The following TMTC2 variants were observed in gnomAD, a reference collection of about 807,000 sequenced individuals.
The protein encoded by TMTC2 is transmembrane O-mannosyltransferase targeting cadherins 2, also known as protein O-mannosyl-transferase TMTC2.
A neutral mutation model predicts 82.4 loss-of-function variants in TMTC2; 43 were observed. That is an observed-to-expected ratio of 0.52 (90% CI 0.41 to 0.67). The LOEUF (loss-of-function observed/expected upper bound fraction) is 0.67, where lower values mean the gene tolerates loss of function less well. TMTC2 is among the 30% of genes least tolerant of loss of function. The pLI, the probability that TMTC2 is intolerant of heterozygous loss-of-function variation, is 0.00. For synonymous variants in TMTC2, 408 were observed against 381.9 expected (o/e 1.07, Z -0.80); for missense variants, 919 against 1,012.4 (o/e 0.91, Z 1.25).
intron 6 of TMTC2, 123 bp downstream of exon 6, chr12:82,965,867 A>G (rs1241284160): frequency 8.0e-6 from 8 of 1,002,168 alleles, no homozygotes; most frequent in Non-Finnish European, 1.2e-5. Flanking sequence ...TACACGTTAA[A>G]CTATTGTCCT....
intron 1 of TMTC2, among the ~76,000 whole-genome samples, chr12:82,753,758 T>C (rs1260760449): frequency 6.6e-6 from 1 of 152,272 alleles, no homozygotes. Context: ...TGTTTAAATT[T>C]TCAAGGATCT....
At chr12:82,987,207 T>C (rs974776104) in intron 8 of TMTC2, among the ~76,000 whole-genome samples, 1 of 151,982 alleles carries the variant, frequency 6.6e-6, no homozygotes, top group African/African-American at 2.4e-5. Flanking sequence ...GCAGATCACC[T>C]GAGGTCAGGA....
chr12:82,914,817 A>ATTTTTTT (rs71068958), intron 3 of TMTC2, among the ~76,000 whole-genome samples: 5 of 86,406 alleles, frequency 5.8e-5, no homozygotes, highest in Non-Finnish European at 9.0e-5. Context: ...CAACTCACTT[A>ATTTTTTT]TTTTTTTTTT....
At chr12:82,849,467 G>C (rs566837627) in intron 1 of TMTC2, among the ~76,000 whole-genome samples, 1 of 152,110 alleles carries the variant, frequency 6.6e-6, no homozygotes, top group Non-Finnish European at 1.5e-5. Context: ...CTGAGGTCCT[G>C]AACAGCTTTA....
In TMTC2 at chr12:83,085,219, T is replaced by C. The variant is rs115160188; in HGVS notation, c.2331+23388T>C. Among the ~76,000 whole-genome samples, 1,218 of 152,310 alleles carry C rather than the reference T, an allele frequency of 8.0e-3. 13 individuals are homozygous for C. The highest frequency in any genetic ancestry group is 0.027 in the African/African-American group (1,138 of 41,568). ...AGGGGGGAAATATCAAGGAGTTTGG[T>C]TACATTTTGCTAACTATGCCTCTGA... On this transcript the variant is annotated intron_variant, in intron 11 of 11. Transcript: ENST00000321196.
At chr12:82,991,726 G>A (rs57665808) in intron 8 of TMTC2, among the ~76,000 whole-genome samples, 1 of 152,150 alleles carries the variant, frequency 6.6e-6, no homozygotes, top group African/African-American at 2.4e-5. Flanking sequence ...TTGTTACCTA[G>A]GGCAAGTGCC....
rs116397723 is a variant in TMTC2, at chr12:82,978,555, T to A, written c.1949-7370T>A. On this transcript the variant is annotated intron_variant, in intron 7 of 11. Coordinates refer to ENST00000321196, the MANE Select transcript of TMTC2 (RefSeq NM_152588.3). ...ATTCCATTGTGATCAGAGAATATACTTGATATAATTTAAGGTTTTTTTAGT... is the reference window on the plus strand; with the variant it reads ...ATTCCATTGTGATCAGAGAATATACATGATATAATTTAAGGTTTTTTTAGT... Among the ~76,000 whole-genome samples the A allele has an allele frequency of 6.9e-3, 1,047 of 151,934 alleles. 15 individuals are homozygous for A. The highest frequency in any genetic ancestry group is 0.024 in the African/African-American group (993 of 41,524).
chr12:83,024,650 C>G (rs763879328), intron 8 of TMTC2, among the ~76,000 whole-genome samples: 2 of 152,086 alleles, frequency 1.3e-5, no homozygotes, highest in Non-Finnish European at 1.5e-5. Flanking sequence ...CTGGTTTGTT[C>G]TTGATTTTGT....
chr12:82,928,072 T>C (rs1742399959), intron 3 of TMTC2, among the ~76,000 whole-genome samples: 1 of 152,186 alleles, frequency 6.6e-6, no homozygotes, highest in African/African-American at 2.4e-5. Flanking sequence ...TTATTATTTA[T>C]TTGAGATATA....
intron 7 of TMTC2, among the ~76,000 whole-genome samples, chr12:82,982,463 T>A (rs1020098692): frequency 2.0e-5 from 3 of 148,382 alleles, no homozygotes; most frequent in Non-Finnish European, 4.5e-5. Context: ...GCATTTTAGG[T>A]TTTGCATCTT....
chr12:82,917,248 C>T (rs926418503), intron 3 of TMTC2, among the ~76,000 whole-genome samples: 3 of 152,018 alleles, frequency 2.0e-5, no homozygotes, highest in Non-Finnish European at 4.4e-5. Context: ...TTTTCTCCTC[C>T]CTTTGTTTTC....
intron 7 of TMTC2, among the ~76,000 whole-genome samples, chr12:82,977,964 A>G (rs946877225): frequency 1.3e-5 from 2 of 151,824 alleles, no homozygotes; most frequent in Admixed American, 6.6e-5. Flanking sequence ...AACTAGCAAA[A>G]TATTTTACTA....
rs1435263536 is a variant in TMTC2 at position 83,063,599 on chromosome 12, A to G, written c.2331+1768A>G. On this transcript the variant is annotated intron_variant, in intron 11 of 11. Coordinates refer to ENST00000321196, the MANE Select transcript of TMTC2 (RefSeq NM_152588.3). The stretch of plus-strand genomic sequence containing the variant: ...ATAACTCACCCACCATCCAAACTAA[A>G]TGGAATCACACTGTAACCCAGGTCA... 2.6e-5 allele frequency among the ~76,000 whole-genome samples: 4 copies of G among 151,970 alleles called. No individual in the cohort carries two copies. In the South Asian group the frequency reaches 6.2e-4, roughly 24 times the overall value.
chr12:82,801,631 A>G (rs998938307), intron 1 of TMTC2, among the ~76,000 whole-genome samples: 3 of 152,114 alleles, frequency 2.0e-5, no homozygotes, highest in Admixed American at 1.3e-4. Flanking sequence ...TCCCCACCAG[A>G]TCAGCTAGAC....
At chr12:83,123,783 T>C (rs1234817384) in intron 11 of TMTC2, among the ~76,000 whole-genome samples, 1 of 152,210 alleles carries the variant, frequency 6.6e-6, no homozygotes, top group African/African-American at 2.4e-5. Context: ...ATTTTGATGC[T>C]ACCCACCAAT....
chr12:82,761,543 A>G lies in TMTC2; in HGVS notation c.83+73874A>G, dbSNP rs555746023. Among the ~76,000 whole-genome samples, 18 of 152,272 alleles carry G rather than the reference A, an allele frequency of 1.2e-4. No homozygotes were observed. In the South Asian group the frequency reaches 3.7e-3, roughly 32 times the overall value. On this transcript the variant is annotated intron_variant, in intron 1 of 11. Transcript: ENST00000321196. Reference sequence around the variant, plus strand: ...GGGATTCTCTATGGCCTTACCATCTATAGGGGTGCACACAAAACTCACATT... The same window carrying G: ...GGGATTCTCTATGGCCTTACCATCTGTAGGGGTGCACACAAAACTCACATT...
intron 11 of TMTC2, among the ~76,000 whole-genome samples, chr12:83,071,870 TAGTG>T (rs1182103477): frequency 6.6e-6 from 1 of 152,190 alleles, no homozygotes; most frequent in African/African-American, 2.4e-5. Context: ...TTCGTTTTCT[TAGTG>T]AGGTTATTTG....
intron 11 of TMTC2, among the ~76,000 whole-genome samples, chr12:83,065,251 A>AT (rs1882876644): frequency 6.6e-6 from 1 of 151,688 alleles, no homozygotes; most frequent in African/African-American, 2.4e-5. Context: ...GAATTTCTTT[A>AT]TTTTTTCTAT....
intron 1 of TMTC2, among the ~76,000 whole-genome samples, chr12:82,811,503 T>C (rs2137049765): frequency 6.6e-6 from 1 of 152,144 alleles, no homozygotes; most frequent in South Asian, 2.1e-4. Flanking sequence ...TTCTAAGTAG[T>C]GTTGTCACAG....
Sources: allele counts gnomAD v4.1 joint callset (sites outside exome capture counted in the v4.1 genomes callset), GRCh38; gene constraint gnomAD v4.1.1; transcripts MANE v1.5; gene names NCBI Gene and HGNC (gene_info 2026-07-23, HGNC 2026-07-21).